Variants in MITF observed in about 807,000 individuals in gnomAD.
The protein encoded by MITF is melanocyte inducing transcription factor.
A neutral mutation model predicts 60.5 loss-of-function variants in MITF; 17 were observed. The observed-to-expected ratio is 0.28, with a 90% CI of 0.19 to 0.42. The LOEUF (loss-of-function observed/expected upper bound fraction) is 0.42, where lower values mean the gene tolerates loss of function less well. Among genes scored for constraint, MITF ranks in the 10% least tolerant of loss-of-function variants. The probability of loss-of-function intolerance (pLI) is 1.00; values close to 1 mark genes in which losing one functional copy is unlikely to be tolerated. For missense variants in MITF, 622 were observed against 683.5 expected, an observed-to-expected ratio of 0.91 and a Z score of 1.00; for synonymous variants, 260 against 248.5, an observed-to-expected ratio of 1.05 and a Z score of -0.43.
rs1302834790 is a variant in MITF at position 69,879,256 on chromosome 3, A to G, written c.227A>G (p.Gln76Arg). Residue 76 changes from glutamine (Q) to arginine (R), a missense_variant, in exon 2 of 10, where the codon CAG becomes CGG. Transcript: ENST00000352241. ...EQMQEQERRE[Q>R]QQKLQAAQFM... ...ATGCAGGAGCAGGAGCGCAGGGAGC[A>G]GCAGCAGAAGCTGCAGGCGGCCCAG... The G allele has an allele frequency of 6.2e-7, 1 of 1,614,118 alleles. No homozygotes were observed. Among genetic ancestry groups the G allele is most frequent in the Non-Finnish European group, 8.5e-7 (1 of 1,180,052 alleles).
chr3:69,866,108 A>G (rs766607225), intron 1 of MITF: 18 of 1,140,034 alleles, frequency 1.6e-5, no homozygotes, highest in Non-Finnish European at 2.1e-5. Context: ...TACAGTAGGT[A>G]CTGGATTAAA....
chr3:69,739,973 G>A (rs889680140), intron 1 of MITF, among the ~76,000 whole-genome samples: 1 of 152,122 alleles, frequency 6.6e-6, no homozygotes, highest in Non-Finnish European at 1.5e-5. Context: ...GGCCGAGGAT[G>A]CCAGCTGCTG....
chr3:69,799,509 GA>G (rs1336729903), intron 1 of MITF, among the ~76,000 whole-genome samples: 8 of 152,092 alleles, frequency 5.3e-5, no homozygotes, highest in African/African-American at 1.7e-4. Context: ...TTACCTGTAG[GA>G]TGCCACGTCT....
rs2065943005 is a variant in MITF at position 69,940,458 on chromosome 3, A to G, written c.667-778A>G. On this transcript the variant is annotated intron_variant, in intron 4 of 9. Coordinates refer to ENST00000352241, the MANE Select transcript of MITF (RefSeq NM_001354604.2). ...AATGCACATGTAATCACTGTTGTTT[A>G]TTATCATAACTTATGTTTTGGTACT... Among the ~76,000 whole-genome samples, 4 of 152,340 alleles carry G rather than the reference A, an allele frequency of 2.6e-5. No homozygotes were observed. In the South Asian group the frequency reaches 6.2e-4, roughly 24 times the overall value.
intron 2 of MITF, among the ~76,000 whole-genome samples, chr3:69,898,063 A>G (rs981370668): frequency 6.6e-6 from 1 of 152,238 alleles, no homozygotes; most frequent in Non-Finnish European, 1.5e-5. Flanking sequence ...GGGAAGACAC[A>G]TGTTAATTAA....
chr3:69,856,821 C>G (rs2063926682), intron 1 of MITF, among the ~76,000 whole-genome samples: 1 of 151,854 alleles, frequency 6.6e-6, no homozygotes, highest in Non-Finnish European at 1.5e-5. Context: ...TCTTTTCTAA[C>G]TAGATTAAAT....
chr3:69,846,726 A>T (rs2063738821), intron 1 of MITF, among the ~76,000 whole-genome samples: 1 of 150,572 alleles, frequency 6.6e-6, no homozygotes, highest in Non-Finnish European at 1.5e-5. Context: ...CTGAGACATG[A>T]GACTCACTTG....
intron 7 of MITF, among the ~76,000 whole-genome samples, chr3:69,955,591 A>T (rs2107528256): frequency 6.6e-6 from 1 of 152,166 alleles, no homozygotes; most frequent in South Asian, 2.1e-4. Context: ...AGGCGGATAG[A>T]TCACTTGAGG....
chr3:69,775,788 C>T (rs1425050426), intron 1 of MITF, among the ~76,000 whole-genome samples: 1 of 152,080 alleles, frequency 6.6e-6, no homozygotes, highest in African/African-American at 2.4e-5. Flanking sequence ...GACTGGGACT[C>T]TTTGTAGAAG....
intron 2 of MITF, among the ~76,000 whole-genome samples, chr3:69,917,762 G>T (rs1041856867): frequency 1.3e-5 from 2 of 152,046 alleles, no homozygotes; most frequent in African/African-American, 4.8e-5. Flanking sequence ...TCAGGATCTT[G>T]GTGGGCAGGT....
Position 69,965,098 on chromosome 3 carries a change from G to A in MITF, c.1431G>A (p.Met477Ile), listed in dbSNP as rs1179187943. Reference protein sequence around the residue: ...ANQAYSVPTKMGSKLEDILMD... With the variant: ...ANQAYSVPTKIGSKLEDILMD... ...AAGCCTATAGTGTCCCCACAAAAAT[G>A]GGATCCAAACTGGAAGACATCCTGA... The change falls in exon 10 of 10, where the codon ATG becomes ATA. Residue 477 changes from methionine to isoleucine, a missense_variant. This residue lies in a region of MITF where 224 missense variants were observed against 209.5 expected (regional missense o/e 1.07). Transcript: ENST00000352241. 3.1e-6 allele frequency: 5 copies of A among 1,614,066 alleles called. No individual in the cohort carries two copies. Among genetic ancestry groups the A allele is most frequent in the Middle Eastern group, 1.6e-4 (1 of 6,062 alleles).
intron 1 of MITF, among the ~76,000 whole-genome samples, chr3:69,877,259 C>T (rs2064376780): frequency 6.6e-6 from 1 of 151,994 alleles, no homozygotes; most frequent in South Asian, 2.1e-4. Context: ...TTGTAAAGAG[C>T]TTTGTAATAT....
chr3:69,819,362 A>T (rs1575762613), intron 1 of MITF, among the ~76,000 whole-genome samples: 1 of 152,314 alleles, frequency 6.6e-6, no homozygotes, highest in Admixed American at 6.5e-5. Context: ...GAAGTTCAGA[A>T]GTTCAGAATT....
intron 2 of MITF, among the ~76,000 whole-genome samples, chr3:69,933,093 C>A (rs573729795): frequency 9.2e-5 from 14 of 151,990 alleles, no homozygotes; most frequent in Non-Finnish European, 1.5e-4. Context: ...GTGGGAAGAT[C>A]ACTTGAGCCC....
At chr3:69,741,999 G>A (rs1452464188) in intron 1 of MITF, among the ~76,000 whole-genome samples, 1 of 152,166 alleles carries the variant, frequency 6.6e-6, no homozygotes, top group Non-Finnish European at 1.5e-5. Context: ...TCTCTGGATT[G>A]TCCAGAGTTG....
chr3:69,794,975 T>C (rs1163868972), intron 1 of MITF, among the ~76,000 whole-genome samples: 1 of 152,238 alleles, frequency 6.6e-6, no homozygotes, highest in Non-Finnish European at 1.5e-5. Context: ...GTAGGCTCTG[T>C]ATGAATAATT....
intron 2 of MITF, among the ~76,000 whole-genome samples, chr3:69,900,255 G>A (rs994712933): frequency 2.0e-5 from 3 of 152,058 alleles, no homozygotes; most frequent in Non-Finnish European, 4.4e-5. Flanking sequence ...ACACACCTCA[G>A]CCACCCTGTT....
chr3:69,937,206 T>G (rs1337368305), intron 2 of MITF: 1 of 162,016 alleles, frequency 6.2e-6, no homozygotes, highest in Non-Finnish European at 1.3e-5. Flanking sequence ...AACTACTTAA[T>G]GTAGAATTGC....
chr3:69,835,688 G>A (rs537535425), intron 1 of MITF, among the ~76,000 whole-genome samples: 31 of 152,126 alleles, frequency 2.0e-4, no homozygotes, highest in Admixed American at 5.9e-4. Flanking sequence ...TCATTCTTCC[G>A]CATATGAATA....
Sources: allele counts gnomAD v4.1 joint callset (sites outside exome capture counted in the v4.1 genomes callset), GRCh38; gene constraint gnomAD v4.1.1; regional missense constraint gnomAD v4.1.1; transcripts MANE v1.5; gene names NCBI Gene and HGNC (gene_info 2026-07-23, HGNC 2026-07-21).